HYDIN: variants seen among roughly 807,000 people sequenced by gnomAD.
The protein encoded by HYDIN is axonemal central pair apparatus protein HYDIN.
A neutral mutation model predicts 403.9 loss-of-function variants in HYDIN; 132 were observed. The observed-to-expected ratio is 0.33, with a 90% CI of 0.28 to 0.38. The LOEUF (loss-of-function observed/expected upper bound fraction) is 0.38. Among genes scored for constraint, HYDIN ranks in the 10% least tolerant of loss-of-function variants. HYDIN has a pLI of 1.00. For synonymous variants in HYDIN, 1,202 were observed against 1,891.7 expected, an observed-to-expected ratio of 0.64 and a Z score of 9.46; for missense variants, 2,827 against 5,009.5, an observed-to-expected ratio of 0.56 and a Z score of 13.15.
At chr16:71,026,057 C>T (rs375002017) in intron 20 of HYDIN, among the ~76,000 whole-genome samples, 225 of 149,388 alleles carry the variant, frequency 1.5e-3, no homozygotes, top group African/African-American at 5.2e-3. Context: ...TGTGCCACCA[C>T]GCCTGGCTAA....
At chr16:70,835,892 TTA>T in intron 77 of HYDIN, 58 bp from the exon 78 acceptor site, 1 of 625,950 alleles carries the variant, frequency 1.6e-6, no homozygotes, top group South Asian at 2.0e-5. Context: ...AAAATAAACA[TTA>T]TATGTCTACT....
At chr16:71,011,417 C>T (rs551503888) in intron 23 of HYDIN, among the ~76,000 whole-genome samples, 7 of 152,288 alleles carry the variant, frequency 4.6e-5, no homozygotes, top group African/African-American at 1.7e-4. Flanking sequence ...AGAAAAGTTC[C>T]ACTTTTGGTC....
chr16:70,894,192 G>C (rs2041653354), intron 55 of HYDIN: 1 of 565,834 alleles, frequency 1.8e-6, no homozygotes, highest in Non-Finnish European at 3.0e-6. Flanking sequence ...CTGCAGAGTT[G>C]AGAGCAGTGT....
chr16:71,207,802 A>C (rs1427525988), intron 1 of HYDIN, among the ~76,000 whole-genome samples: 1 of 152,240 alleles, frequency 6.6e-6, no homozygotes, highest in Non-Finnish European at 1.5e-5. Context: ...ACTTTAAACC[A>C]ACAAAGATCA....
intron 1 of HYDIN, among the ~76,000 whole-genome samples, chr16:71,200,329 T>C (rs1423331872): frequency 6.6e-6 from 1 of 152,202 alleles, no homozygotes; most frequent in African/African-American, 2.4e-5. Flanking sequence ...TTGCCCTGAA[T>C]TCCTTCTTGC....
At chr16:70,917,090 T>G (rs970269271) in intron 47 of HYDIN, among the ~76,000 whole-genome samples, 2 of 151,976 alleles carry the variant, frequency 1.3e-5, no homozygotes, top group African/African-American at 4.8e-5. Context: ...GCCCGGCTAA[T>G]TTTTGTATTT....
chr16:70,971,446 T>C (rs1373954903), intron 35 of HYDIN, among the ~76,000 whole-genome samples: 1 of 151,968 alleles, frequency 6.6e-6, no homozygotes, highest in Non-Finnish European at 1.5e-5. Flanking sequence ...CCTAGTCTGA[T>C]TTCACTGGGG....
chr16:70,963,143 C>A (rs983449153), intron 37 of HYDIN, among the ~76,000 whole-genome samples: 4 of 151,442 alleles, frequency 2.6e-5, no homozygotes, highest in African/African-American at 9.7e-5. Flanking sequence ...GTGTGTCTCT[C>A]CTCACACTCT....
At chr16:71,056,620 G>T (rs1346736961) in intron 18 of HYDIN, among the ~76,000 whole-genome samples, 3 of 152,204 alleles carry the variant, frequency 2.0e-5, no homozygotes, top group Admixed American at 6.5e-5. Context: ...ACAGATGGCT[G>T]ACGGTGAGTG....
Position 70,883,995 on chromosome 16 carries a change from C to G in HYDIN, c.9904G>C (p.Asp3302His). ...MGKCEEFIAIDISGRDPAVHP... is the reference protein window; with the variant it reads ...MGKCEEFIAIHISGRDPAVHP... ...ACTGCAGGGTCTCGGCCGGAGATAT[C>G]GATGGCTATAAACTCCTCACACTTT... The change falls in exon 59 of 86, where the codon GAT (aspartate) becomes CAT (histidine). Residue 3302 changes from aspartate to histidine, a missense_variant. Asp to His is a moderately conservative substitution (Grantham distance 81). Transcript: ENST00000393567. 1.2e-6 allele frequency: 2 copies of G among 1,614,170 alleles called. No homozygotes were observed. Among genetic ancestry groups the G allele is most frequent in the Non-Finnish European group, 1.7e-6 (2 of 1,180,042 alleles).
At position 71,179,151 on chromosome 16, in the gene HYDIN, T is replaced by C; in HGVS notation, c.262-104A>G. 8.7e-6 allele frequency: 7 copies of C among 809,198 alleles called. No homozygotes were observed. The South Asian group carries it at 8.7e-5, about 10-fold the overall frequency. 50.1% of individuals were successfully genotyped at this position (809,198 alleles called of 1,614,324 possible). On this transcript the variant is annotated intron_variant, in intron 3 of 85. Coordinates refer to ENST00000393567, the MANE Select transcript of HYDIN (RefSeq NM_001270974.2). Reference sequence around the variant, plus strand: ...GACCTGTGGATATTAAAACTAAACATGGGAAATATTCAAAAAGAAATCCAT... The same window carrying C: ...GACCTGTGGATATTAAAACTAAACACGGGAAATATTCAAAAAGAAATCCAT...
intron 9 of HYDIN, among the ~76,000 whole-genome samples, chr16:71,119,827 T>A (rs1422816336): frequency 6.7e-6 from 1 of 149,996 alleles, no homozygotes; most frequent in Non-Finnish European, 1.5e-5. Flanking sequence ...ACCTCAGAAA[T>A]AGGTAACAAG....
intron 9 of HYDIN, among the ~76,000 whole-genome samples, chr16:71,127,115 T>C (rs886513): frequency 2.0e-5 from 3 of 152,212 alleles, no homozygotes; most frequent in Non-Finnish European, 2.9e-5. Context: ...ATAACTGATA[T>C]TGAGTTCTGC....
chr16:70,931,210 GTTTTTT>G (rs71387550), intron 45 of HYDIN, among the ~76,000 whole-genome samples: 19 of 59,482 alleles, frequency 3.2e-4, no homozygotes, highest in East Asian at 1.1e-3. Flanking sequence ...TCTTTCTTCT[GTTTTTT>G]TTTTTTTTTT....
At chr16:71,069,886 T>C (rs117115165) in intron 13 of HYDIN, among the ~76,000 whole-genome samples, 4,477 of 152,308 alleles carry the variant, frequency 0.029, 483 homozygotes, top group Admixed American at 0.21. Flanking sequence ...CACAAAAATA[T>C]ACATTTTTAC....
chr16:70,807,999 T>G lies in HYDIN; in HGVS notation c.14947A>C (p.Thr4983Pro). Residue 4983 changes from threonine (T) to proline (P), a missense_variant, in exon 86 of 86, where the codon ACT becomes CCT. Physicochemically the swap from Thr to Pro is conservative, Grantham distance 38. Transcript: ENST00000393567. ...AATAAGACTTCCACACTGGCTTCAG[T>G]GCCTCCCTGGCCTCCTGGGGCTGCA... ...INAAPGGQGG[T>P]EASVEVLFEP... is the part of the protein sequence containing the mutation. 6.2e-7 allele frequency: 1 copy of G among 1,614,128 alleles called. No individual in the cohort carries two copies. The highest frequency in any genetic ancestry group is 8.5e-7 in the Non-Finnish European group (1 of 1,180,014).
intron 1 of HYDIN, among the ~76,000 whole-genome samples, chr16:71,203,374 T>C (rs1245498453): frequency 6.6e-6 from 1 of 152,204 alleles, no homozygotes; most frequent in African/African-American, 2.4e-5. Context: ...CTATGACAAT[T>C]ACTATATTTG....
chr16:70,999,233 A>G (rs1476946367), intron 23 of HYDIN, among the ~76,000 whole-genome samples: 1 of 152,090 alleles, frequency 6.6e-6, no homozygotes, highest in Admixed American at 6.5e-5. Flanking sequence ...TCCCAACCAT[A>G]GAGATTCTGA....
At chr16:71,186,199 A>C (rs2087138891) in intron 2 of HYDIN, among the ~76,000 whole-genome samples, 1 of 152,154 alleles carries the variant, frequency 6.6e-6, no homozygotes, top group African/African-American at 2.4e-5. Context: ...TATCCCTGGC[A>C]CTATACATTT....
Sources: allele counts gnomAD v4.1 joint callset (sites outside exome capture counted in the v4.1 genomes callset), GRCh38; gene constraint gnomAD v4.1.1; transcripts MANE v1.5; gene names NCBI Gene and HGNC (gene_info 2026-07-23, HGNC 2026-07-21).